PRDM16: variants seen among roughly 807,000 people sequenced by gnomAD.
The protein encoded by PRDM16 is histone-lysine N-methyltransferase PRDM16.
Under a neutral mutation model 110.6 loss-of-function variants are expected in PRDM16, and 23 were observed. The observed-to-expected ratio is 0.21, with a 90% CI of 0.15 to 0.29. The LOEUF (loss-of-function observed/expected upper bound fraction) is 0.29. PRDM16 is among the 10% of genes least tolerant of loss of function. PRDM16 has a pLI of 1.00. For missense variants in PRDM16, 1,615 were observed against 1,794.3 expected, an observed-to-expected ratio of 0.90 and a Z score of 1.81; for synonymous variants, 799 against 781.8, an observed-to-expected ratio of 1.02 and a Z score of -0.37.
intron 3 of PRDM16, among the ~76,000 whole-genome samples, chr1:3,319,900 T>C (rs1170095024): frequency 1.3e-5 from 2 of 152,164 alleles, no homozygotes; most frequent in Non-Finnish European, 1.5e-5. Flanking sequence ...GGACCAGCCA[T>C]GTTGGGCAAA....
intron 5 of PRDM16, 125 bp downstream of exon 5, chr1:3,396,718 G>C (rs7535965): frequency 3.4e-6 from 2 of 595,286 alleles, no homozygotes; most frequent in African/African-American, 3.7e-5. Context: ...AGGGCCAGGC[G>C]GCCCCCAAGT....
chr1:3,412,447 G>T lies in PRDM16; in HGVS notation c.2250G>T (p.Leu750=). The T allele has an allele frequency of 6.2e-7, 1 of 1,612,924 alleles. No homozygotes were observed. The highest frequency in any genetic ancestry group is 8.5e-7 in the Non-Finnish European group (1 of 1,179,832). ...FTDRALAHNL[L]VKAEPKSPRD... ...ACCGAGCCCTCGCCCACAACTTGCT[G>T]GTCAAGGCCGAGCCAAAGTCACCCC... Residue 750 remains leucine (L), a synonymous_variant, in exon 9 of 17, where the codon CTG becomes CTT. Transcript: ENST00000270722.
chr1:3,167,622 C>T (rs1248922453), intron 1 of PRDM16, among the ~76,000 whole-genome samples: 1 of 87,666 alleles, frequency 1.1e-5, no homozygotes, highest in Non-Finnish European at 2.2e-5. Flanking sequence ...GTGACATTGC[C>T]CCCCTGCTCC....
At chr1:3,236,136 G>A (rs899019112) in intron 2 of PRDM16, among the ~76,000 whole-genome samples, 1 of 152,158 alleles carries the variant, frequency 6.6e-6, no homozygotes, top group Non-Finnish European at 1.5e-5. Context: ...GTCAGTTATA[G>A]CCCTGCCCCC....
intron 2 of PRDM16, among the ~76,000 whole-genome samples, chr1:3,237,146 C>T (rs1432169074): frequency 1.3e-5 from 2 of 152,156 alleles, no homozygotes; most frequent in East Asian, 1.9e-4. Flanking sequence ...TGTCCCTCCT[C>T]CACACCCCAT....
rs890191480 is a variant in PRDM16 at position 3,143,839 on chromosome 1, C to T, written c.38-42286C>T. On this transcript the variant is annotated intron_variant, in intron 1 of 16. Transcript: ENST00000270722. This position sits in a 1 kb window ranked among gnomAD's most constrained non-coding sequence, Gnocchi z 4.5. The stretch of plus-strand genomic sequence containing the variant: ...GTGTGTGTCACACACCTCTGGTCTG[C>T]AGCCCCTGGGAGCTGAGGCCCTGTC... 1.4e-4 allele frequency among the ~76,000 whole-genome samples: 21 copies of T among 152,188 alleles called. No individual in the cohort carries two copies. The highest frequency in any genetic ancestry group is 9.2e-4 in the Admixed American group (14 of 15,284).
At chr1:3,330,527 C>T (rs1055301414) in intron 3 of PRDM16, among the ~76,000 whole-genome samples, 2 of 152,196 alleles carry the variant, frequency 1.3e-5, no homozygotes, top group African/African-American at 4.8e-5. Flanking sequence ...GGCATCCCCA[C>T]CACATCCCCT....
intron 3 of PRDM16, among the ~76,000 whole-genome samples, chr1:3,247,388 C>G (rs689565): frequency 0.088 from 13,433 of 152,286 alleles, 860 homozygotes; most frequent in African/African-American, 0.18. Context: ...CAGGATGACT[C>G]TACTCAGAAT....
At chr1:3,092,277 G>T (rs930617006) in intron 1 of PRDM16, among the ~76,000 whole-genome samples, 1 of 151,836 alleles carries the variant, frequency 6.6e-6, no homozygotes, top group Non-Finnish European at 1.5e-5. Context: ...TGCCAGGCAC[G>T]AGGGCTGCTC....
At chr1:3,108,533 A>T (rs559619594) in intron 1 of PRDM16, among the ~76,000 whole-genome samples, 2 of 152,330 alleles carry the variant, frequency 1.3e-5, no homozygotes, top group South Asian at 4.1e-4. Context: ...CAGTTGGTTT[A>T]TGCCTGGCAA....
intron 3 of PRDM16, among the ~76,000 whole-genome samples, chr1:3,271,362 CTGGG>C (rs1640449600): frequency 6.6e-6 from 1 of 152,186 alleles, no homozygotes; most frequent in Non-Finnish European, 1.5e-5. Flanking sequence ...CAGAGCCTCC[CTGGG>C]TCTCCCACAG....
intron 1 of PRDM16, among the ~76,000 whole-genome samples, chr1:3,165,936 G>A (rs936110046): frequency 1.3e-5 from 1 of 76,658 alleles, no homozygotes; most frequent in East Asian, 4.3e-4. Context: ...CTCAGGGACA[G>A]GGACTCACCT....
chr1:3,277,747 G>T (rs989399317), intron 3 of PRDM16, among the ~76,000 whole-genome samples: 1 of 126,594 alleles, frequency 7.9e-6, no homozygotes, highest in East Asian at 2.0e-4. Context: ...ACACGCACAC[G>T]CACACACATG....
intron 2 of PRDM16, among the ~76,000 whole-genome samples, chr1:3,240,056 AAGAGGAGAGGAGAGGAGAGGAGAGG>A (rs70938079): frequency 8.7e-5 from 9 of 103,408 alleles, no homozygotes; most frequent in Non-Finnish European, 1.3e-4. Flanking sequence ...AGGAGAGGAG[AAGAGGAGAGGAGAGGAGAGGAGAGG>A]AGAGGAGAGG....
At chr1:3,126,858 G>T (rs1170498557) in intron 1 of PRDM16, among the ~76,000 whole-genome samples, 1 of 152,226 alleles carries the variant, frequency 6.6e-6, no homozygotes, top group Non-Finnish European at 1.5e-5. Context: ...TGTAGATGGG[G>T]CATGGTTGCT....
rs1356989946 is a variant in PRDM16, at chr1:3,436,044, C to T, written c.*2233C>T. On this transcript the variant is annotated 3_prime_UTR_variant, in exon 17 of 17. Transcript: ENST00000270722. The stretch of plus-strand genomic sequence containing the variant: ...CAGGCCTTCTCACGCGTTTCCACAA[C>T]ATCCCCTGGGTCAGACCCACCAGGT... The T allele has an allele frequency of 4.3e-6, 1 of 230,684 alleles. No individual in the cohort carries two copies. Among genetic ancestry groups the T allele is most frequent in the Non-Finnish European group, 8.6e-6 (1 of 116,548 alleles). 14.3% of individuals were successfully genotyped at this position (230,684 alleles called of 1,614,324 possible). A position where few individuals can be genotyped will look rare whatever the true frequency, so the allele number is the denominator to read the frequency against.
At chr1:3,364,070 C>T (rs570328464) in intron 3 of PRDM16, among the ~76,000 whole-genome samples, 3 of 152,252 alleles carry the variant, frequency 2.0e-5, no homozygotes, top group Admixed American at 1.3e-4. Flanking sequence ...TCTTGTTGCA[C>T]GTGGCCTCTG....
chr1:3,347,161 C>T (rs1642378316), intron 3 of PRDM16, among the ~76,000 whole-genome samples: 1 of 152,322 alleles, frequency 6.6e-6, no homozygotes, highest in South Asian at 2.1e-4. Context: ...TGGGAAGGGG[C>T]AGGCGGCCGT....
intron 2 of PRDM16, among the ~76,000 whole-genome samples, chr1:3,188,507 G>A (rs556771364): frequency 5.3e-5 from 8 of 152,330 alleles, no homozygotes; most frequent in East Asian, 3.9e-4. Flanking sequence ...GAGGGAACGC[G>A]CTCTCCTCAC....
Sources: allele counts gnomAD v4.1 joint callset (sites outside exome capture counted in the v4.1 genomes callset), GRCh38; gene constraint gnomAD v4.1.1; non-coding constraint Gnocchi (gnomAD v3.1); transcripts MANE v1.5; gene names NCBI Gene and HGNC (gene_info 2026-07-23, HGNC 2026-07-21).